STK32B: variants seen among roughly 807,000 people sequenced by gnomAD.
The protein encoded by STK32B is serine/threonine kinase 32B.
STK32B carries 43 observed loss-of-function variants against 52.6 expected under a neutral mutation model. That is an observed-to-expected ratio of 0.82 (90% confidence interval 0.64 to 1.05). STK32B has a LOEUF of 1.05. STK32B is among the 50% of genes least tolerant of loss of function. STK32B has a pLI of 0.00. For missense variants in STK32B, 621 were observed against 534.6 expected, an observed-to-expected ratio of 1.16 and a Z score of -1.59; for synonymous variants, 238 against 204.3, an observed-to-expected ratio of 1.17 and a Z score of -1.41.
Position 5,445,858 on chromosome 4 carries a change from A to G in STK32B, c.563-815A>G, listed in dbSNP as rs73066496. ...CACCCACAGCCCCTAGCAACTTCCA[A>G]TCTGCTTTCTGTCTTGTGGATTTAC... is the stretch of plus-strand genomic sequence containing the variant. On this transcript the variant is annotated intron_variant, in intron 6 of 11. Transcript: ENST00000282908. Among the ~76,000 whole-genome samples, 1,260 of 152,030 alleles carry G rather than the reference A, an allele frequency of 8.3e-3. 17 individuals carry two copies. The highest frequency in any genetic ancestry group is 0.029 in the African/African-American group (1,202 of 41,480).
At chr4:5,221,866 A>C (rs1384560714) in intron 3 of STK32B, among the ~76,000 whole-genome samples, 1 of 152,010 alleles carries the variant, frequency 6.6e-6, no homozygotes, top group Non-Finnish European at 1.5e-5. Context: ...AAAAAAAAAA[A>C]AAAAAAAAAA....
intron 6 of STK32B, among the ~76,000 whole-genome samples, chr4:5,440,812 G>T (rs1714665559): frequency 6.6e-6 from 1 of 152,078 alleles, no homozygotes; most frequent in Non-Finnish European, 1.5e-5. Context: ...TTTTTAGCAT[G>T]AAGGGTTGTT....
intron 3 of STK32B, among the ~76,000 whole-genome samples, chr4:5,226,898 C>G (rs1401193965): frequency 6.6e-6 from 1 of 152,116 alleles, no homozygotes; most frequent in Non-Finnish European, 1.5e-5. Flanking sequence ...GGTGGGACTA[C>G]TGTAACATAA....
intron 1 of STK32B, among the ~76,000 whole-genome samples, chr4:5,114,985 T>G (rs1714637618): frequency 6.6e-6 from 1 of 152,184 alleles, no homozygotes; most frequent in African/African-American, 2.4e-5. Flanking sequence ...TGTAAAGTTA[T>G]GGGCTGCAAG....
At chr4:5,313,093 C>G (rs1418246206) in intron 3 of STK32B, among the ~76,000 whole-genome samples, 1 of 144,956 alleles carries the variant, frequency 6.9e-6, no homozygotes, top group Admixed American at 6.8e-5. Flanking sequence ...TAGGTTGGAG[C>G]AAAAGTAATT....
chr4:5,424,050 G>A (rs957854849), intron 6 of STK32B, among the ~76,000 whole-genome samples: 22 of 152,206 alleles, frequency 1.4e-4, no homozygotes, highest in Non-Finnish European at 2.5e-4. Flanking sequence ...GCCTGGACTC[G>A]CCCTGCTCCT....
chr4:5,321,893 A>G (rs2108939367), intron 3 of STK32B, among the ~76,000 whole-genome samples: 1 of 152,102 alleles, frequency 6.6e-6, no homozygotes, highest in East Asian at 1.9e-4. Context: ...ATTGGAAGCT[A>G]ACCAGCGTCC....
intron 4 of STK32B, among the ~76,000 whole-genome samples, chr4:5,367,643 A>T (rs920683616): frequency 6.6e-6 from 1 of 152,196 alleles, no homozygotes; most frequent in South Asian, 2.1e-4. Flanking sequence ...CCTGCTGAGT[A>T]CAGGTCAACT....
At chr4:5,026,643 G>C in the STK32B span, among the ~76,000 whole-genome samples, 1 of 152,178 alleles carries the variant, frequency 6.6e-6, no homozygotes, top group Non-Finnish European at 1.5e-5. Flanking sequence ...TGGGGACAGA[G>C]AGCCAAACCA....
intron 3 of STK32B, among the ~76,000 whole-genome samples, chr4:5,184,695 A>AAAAAAAAAAAAAG (rs58321341): frequency 7.3e-6 from 1 of 137,558 alleles, no homozygotes; most frequent in Admixed American, 8.0e-5. Flanking sequence ...AAAAAAAAAA[A>AAAAAAAAAAAAAG]AAGAAGAAGA....
chr4:5,200,171 G>C (rs747365588), intron 3 of STK32B, among the ~76,000 whole-genome samples: 4 of 151,716 alleles, frequency 2.6e-5, no homozygotes, highest in African/African-American at 9.7e-5. Flanking sequence ...ATTGAATCAA[G>C]CAATGCCCAA....
intron 5 of STK32B, among the ~76,000 whole-genome samples, chr4:5,416,360 G>A (rs139824230): frequency 6.6e-6 from 1 of 152,100 alleles, no homozygotes; most frequent in Admixed American, 6.5e-5. Flanking sequence ...ATGGAAGGTG[G>A]TCTCAACACC....
chr4:5,306,006 C>T (rs1196412477), intron 3 of STK32B, among the ~76,000 whole-genome samples: 3 of 152,046 alleles, frequency 2.0e-5, no homozygotes, highest in East Asian at 1.9e-4. Flanking sequence ...CATGTATTTG[C>T]GTTGTTTTGA....
intron 2 of STK32B, among the ~76,000 whole-genome samples, chr4:5,162,589 T>G (rs1222343292): frequency 6.6e-6 from 1 of 152,212 alleles, no homozygotes; most frequent in Non-Finnish European, 1.5e-5. Context: ...TTTGTCCCAT[T>G]AAGTTGTAAT....
intron 4 of STK32B, among the ~76,000 whole-genome samples, chr4:5,365,378 C>G (rs537455473): frequency 6.6e-6 from 1 of 152,290 alleles, no homozygotes; most frequent in South Asian, 2.1e-4. Context: ...CACACAGTGC[C>G]TGGCACACAG....
At chr4:5,162,595 G>T (rs1404154610) in intron 2 of STK32B, among the ~76,000 whole-genome samples, 1 of 152,196 alleles carries the variant, frequency 6.6e-6, no homozygotes, top group Non-Finnish European at 1.5e-5. Context: ...CCATTAAGTT[G>T]TAATTAATAA....
chr4:5,489,097 G>A (rs1025578206), intron 11 of STK32B, among the ~76,000 whole-genome samples: 9 of 152,160 alleles, frequency 5.9e-5, no homozygotes, highest in South Asian at 2.1e-4. Context: ...ATTTGAAGTC[G>A]TAATTGAAAA....
At chr4:5,456,773 C>G (rs374609437) in intron 7 of STK32B, 34 bp from the exon 8 acceptor site, 2 of 1,523,298 alleles carry the variant, frequency 1.3e-6, no homozygotes, top group Non-Finnish European at 1.8e-6. Flanking sequence ...CAATGGCTCT[C>G]TCTCTGATTC....
intron 1 of STK32B, among the ~76,000 whole-genome samples, chr4:5,131,975 G>A (rs1715804946): frequency 6.6e-6 from 1 of 152,192 alleles, no homozygotes. Context: ...GAGCATCCTG[G>A]ATTGTACAGG....
Sources: gnomAD v4.1 joint callset for allele counts (sites outside exome capture counted in the v4.1 genomes callset) on GRCh38, gnomAD v4.1.1 for gene constraint, MANE v1.5 for transcripts, NCBI Gene and HGNC (gene_info 2026-07-23, HGNC 2026-07-21) for gene names.